The following PIM1 variants were observed in gnomAD, a reference collection of about 807,000 sequenced individuals.
The protein encoded by PIM1 is Pim-1 proto-oncogene, serine/threonine kinase.
Under a neutral mutation model 34.5 loss-of-function variants are expected in PIM1, and 9 were observed. That is an observed-to-expected ratio of 0.26 (90% CI 0.16 to 0.46). The LOEUF (loss-of-function observed/expected upper bound fraction) is 0.46, where lower values mean the gene tolerates loss of function less well. PIM1 is among the 20% of genes least tolerant of loss of function. The pLI is 1.00. For synonymous variants in PIM1, 199 were observed against 175.2 expected, an observed-to-expected ratio of 1.14 and a Z score of -1.07; for missense variants, 274 against 410.9, an observed-to-expected ratio of 0.67 and a Z score of 2.88.
Position 37,171,349 on chromosome 6 carries a change from G to A in PIM1, c.465G>A (p.Val155=). The part of the protein sequence containing the change: ...RSFFWQVLEA[V]RHCHNCGVLH... ...TCTTCTGGCAGGTGCTGGAGGCCGT[G>A]CGGCACTGCCACAACTGCGGGGTGC... Residue 155 remains valine, a synonymous_variant, in exon 4 of 6, where the codon GTG becomes GTA. Coordinates refer to ENST00000373509, the MANE Select transcript of PIM1 (RefSeq NM_002648.4). 1 of 1,613,914 alleles carries A rather than the reference G, an allele frequency of 6.2e-7. No homozygotes were observed. Among genetic ancestry groups the A allele is most frequent in the East Asian group, 2.2e-5 (1 of 44,892 alleles).
rs11550058 is a variant in PIM1 at position 37,170,302 on chromosome 6, G to A, written c.-274G>A. On this transcript the variant is annotated 5_prime_UTR_variant, in exon 1 of 6. Coordinates refer to ENST00000373509, the MANE Select transcript of PIM1 (RefSeq NM_002648.4). ...AACCACTAGCCTCCTGCCCCGCGGC[G>A]CTGCCGCACGAGCCCCACGAGCCGC... The A allele has an allele frequency of 3.5e-6, 5 of 1,430,452 alleles. No homozygotes were observed. Among genetic ancestry groups the A allele is most frequent in the Admixed American group, 2.8e-5 (1 of 36,362 alleles). The allele number at this position is 1,430,452 out of a possible 1,614,324, so 88.6% of individuals were successfully genotyped here.
Position 37,171,008 on chromosome 6 carries a change from C to T in PIM1, c.217C>T (p.Arg73Trp), listed in dbSNP as rs748490577. Residue 73 changes from arginine (R) to tryptophan (W), a missense_variant, in exon 3 of 6, where the codon CGG becomes TGG. Physicochemically the swap from Arg to Trp is moderately radical, Grantham distance 101. Around this residue, in one of 2 missense-constraint regions of PIM1, gnomAD observed 106 missense variants for 111.5 expected, o/e 0.95. Coordinates refer to ENST00000373509, the MANE Select transcript of PIM1 (RefSeq NM_002648.4). Reference protein sequence around the residue: ...PVAIKHVEKDRISDWGELPNG... With the variant: ...PVAIKHVEKDWISDWGELPNG... The stretch of plus-strand genomic sequence containing the variant: ...GGCCATCAAACACGTGGAGAAGGAC[C>T]GGATTTCCGACTGGGGAGAGCTGGT... 1.2e-6 allele frequency: 2 copies of T among 1,614,094 alleles called. No homozygotes were observed. The highest frequency in any genetic ancestry group is 1.7e-5 in the Admixed American group (1 of 60,030).
chr6:37,172,590 C>CT (rs1277144189), intron 4 of PIM1: 1 of 457,724 alleles, frequency 2.2e-6, no homozygotes, highest in South Asian at 1.5e-5. Flanking sequence ...CCATGAGAAT[C>CT]TCACCCGGGC....
At position 37,170,336 on chromosome 6, in the gene PIM1, C is replaced by G; in HGVS notation, c.-240C>G. On this transcript the variant is annotated 5_prime_UTR_variant, in exon 1 of 6. Coordinates refer to ENST00000373509, the MANE Select transcript of PIM1 (RefSeq NM_002648.4). Reference sequence around the variant, plus strand: ...CGAGCCCCACGAGCCGCTCACCCCGCCGTTCTCAGCGCTGCCCGACCCCGC... The same window carrying G: ...CGAGCCCCACGAGCCGCTCACCCCGGCGTTCTCAGCGCTGCCCGACCCCGC... 1.3e-6 allele frequency: 2 copies of G among 1,495,654 alleles called. No individual in the cohort carries two copies. The highest frequency in any genetic ancestry group is 1.8e-6 in the Non-Finnish European group (2 of 1,127,560). The allele number at this position is 1,495,654 out of a possible 1,614,324, so 92.6% of individuals were successfully genotyped here. A position where few individuals can be genotyped will look rare whatever the true frequency, so the allele number is the denominator to read the frequency against.
At position 37,174,845 on chromosome 6, in the gene PIM1, CTG is replaced by C. The variant is rs1762378552; in HGVS notation, c.*756_*757del. ...ACAAACAATGCAATCAACAGAAAAG[CTG>C]TAAATGTGTGTACAGTTGGCATGGT... On this transcript the variant is annotated 3_prime_UTR_variant, in exon 6 of 6. Coordinates refer to ENST00000373509, the MANE Select transcript of PIM1 (RefSeq NM_002648.4). 4.3e-6 allele frequency: 1 copy of C among 233,564 alleles called. No individual in the cohort carries two copies. The highest frequency in any genetic ancestry group is 1.8e-4 in the South Asian group (1 of 5,532). 14.5% of individuals were successfully genotyped at this position (233,564 alleles called of 1,614,324 possible). A position where few individuals can be genotyped will look rare whatever the true frequency, so the allele number is the denominator to read the frequency against.
intron 2 of PIM1, 45 bp from the exon 3 acceptor site, chr6:37,170,936 C>CTT: frequency 6.2e-7 from 1 of 1,613,672 alleles, no homozygotes; most frequent in Non-Finnish European, 8.5e-7. Context: ...CACGGGCGTG[C>CTT]TTTAGCCCGG....
At position 37,171,042 on chromosome 6, in the gene PIM1, T is replaced by C; in HGVS notation, c.240+11T>C. Reference sequence around the variant, plus strand: ...GACTGGGGAGAGCTGGTGAGTGCCCTGCAGGAGCGACCCCCAGGATGAGTG... The same window carrying C: ...GACTGGGGAGAGCTGGTGAGTGCCCCGCAGGAGCGACCCCCAGGATGAGTG... On this transcript the variant is annotated intron_variant, in intron 3 of 5. Coordinates refer to ENST00000373509, the MANE Select transcript of PIM1 (RefSeq NM_002648.4). 1 of 1,613,992 alleles carries C rather than the reference T, an allele frequency of 6.2e-7. No individual in the cohort carries two copies. Among genetic ancestry groups the C allele is most frequent in the Non-Finnish European group, 8.5e-7 (1 of 1,179,972 alleles).
rs367733847 is a variant in PIM1 at position 37,174,133 on chromosome 6, G to A, written c.*42G>A. 1,440 of 1,578,726 alleles carry A rather than the reference G, an allele frequency of 9.1e-4. 15 individuals carry two copies. The highest frequency in any genetic ancestry group is 8.2e-3 in the South Asian group (710 of 86,308). ...TCCTCCCCTCTCTTGTCAGATGCCC[G>A]AGGGAGGGGAAGCTTCTGTCTCCAG... is the stretch of plus-strand genomic sequence containing the variant. On this transcript the variant is annotated 3_prime_UTR_variant, in exon 6 of 6. Transcript: ENST00000373509.
chr6:37,174,684 A>G lies in PIM1; in HGVS notation c.*593A>G. On this transcript the variant is annotated 3_prime_UTR_variant, in exon 6 of 6. Coordinates refer to ENST00000373509, the MANE Select transcript of PIM1 (RefSeq NM_002648.4). ...TCCTTCATATGAAAGGTGCCATGGA[A>G]GAGGCTACAGGGCCAAACGCTGAGC... 1 of 233,774 alleles carries G rather than the reference A, an allele frequency of 4.3e-6. No individual in the cohort carries two copies. The allele number at this position is 233,774 out of a possible 1,614,324, so 14.5% of individuals were successfully genotyped here. A position where few individuals can be genotyped will look rare whatever the true frequency, so the allele number is the denominator to read the frequency against.
rs1311158820 is a variant in PIM1 at position 37,171,301 on chromosome 6, G to A, written c.417G>A (p.Leu139=). 4.3e-6 allele frequency: 7 copies of A among 1,614,166 alleles called. No individual in the cohort carries two copies. The highest frequency in any genetic ancestry group is 1.6e-4 in the Middle Eastern group (1 of 6,062). ...ACTTCATCACGGAAAGGGGAGCCCT[G>A]CAAGAGGAGCTGGCCCGCAGCTTCT... The part of the protein sequence containing the change: ...LFDFITERGA[L]QEELARSFFW... The change falls in exon 4 of 6, where the codon CTG becomes CTA. Residue 139 remains leucine, a synonymous_variant. Coordinates refer to ENST00000373509, the MANE Select transcript of PIM1 (RefSeq NM_002648.4).
chr6:37,173,241 T>C (rs559266808), intron 5 of PIM1, 69 bp downstream of exon 5: 327 of 1,416,950 alleles, frequency 2.3e-4, no homozygotes, highest in Middle Eastern at 1.2e-3. Flanking sequence ...CATGGGACAG[T>C]CTTTGAAATT....
At position 37,174,123 on chromosome 6, in the gene PIM1, T is replaced by A. The variant is rs777277157; in HGVS notation, c.*32T>A. The stretch of plus-strand genomic sequence containing the variant: ...TTCTGGCAGGTCCTCCCCTCTCTTG[T>A]CAGATGCCCGAGGGAGGGGAAGCTT... On this transcript the variant is annotated 3_prime_UTR_variant, in exon 6 of 6. Coordinates refer to ENST00000373509, the MANE Select transcript of PIM1 (RefSeq NM_002648.4). The A allele has an allele frequency of 1.8e-5, 28 of 1,593,064 alleles. No homozygotes were observed. The East Asian group carries it at 2.7e-4, about 15-fold the overall frequency.
intron 4 of PIM1, 98 bp from the exon 5 acceptor site, chr6:37,172,894 ATTTT>A: frequency 1.2e-6 from 1 of 855,060 alleles, no homozygotes; most frequent in Non-Finnish European, 1.8e-6. Context: ...GAGAGAAGGG[ATTTT>A]TTTTTTTTTT....
rs1561982777 is a variant in PIM1, at chr6:37,170,767, TC to T, written c.83-4del. Reference sequence around the variant, plus strand: ...CACTGAGTCCCCGTGCTTCCCCCTTTCCTAGGCAAGGAGAAGGAGCCCCTGG... The same window carrying T: ...CACTGAGTCCCCGTGCTTCCCCCTTTCTAGGCAAGGAGAAGGAGCCCCTGG... On this transcript the variant is annotated splice_region_variant and splice_polypyrimidine_tract_variant and intron_variant, in intron 1 of 5. Transcript: ENST00000373509. 1 of 1,611,870 alleles carries T rather than the reference TC, an allele frequency of 6.2e-7. No homozygotes were observed. Among genetic ancestry groups the T allele is most frequent in the African/African-American group, 1.3e-5 (1 of 74,968 alleles).
chr6:37,175,417 C>T lies in PIM1; in HGVS notation c.*1326C>T, dbSNP rs1408480607. 8.8e-6 allele frequency: 2 copies of T among 226,644 alleles called. No individual in the cohort carries two copies. Among genetic ancestry groups the T allele is most frequent in the Non-Finnish European group, 1.8e-5 (2 of 114,144 alleles). The allele number at this position is 226,644 out of a possible 1,614,324, so 14.0% of individuals were successfully genotyped here. A position where few individuals can be genotyped will look rare whatever the true frequency, so the allele number is the denominator to read the frequency against. On this transcript the variant is annotated 3_prime_UTR_variant, in exon 6 of 6. Transcript: ENST00000373509. ...TACTTGGCGTTTTTTGAATAAAAAC[C>T]TTTTGTCTTAACTCGTGGCTTCTAA...
rs1762374897 is a variant in PIM1, at chr6:37,174,697, C to A, written c.*606C>A. The A allele has an allele frequency of 4.3e-6, 1 of 233,618 alleles. No homozygotes were observed. Among genetic ancestry groups the A allele is most frequent in the African/African-American group, 2.2e-5 (1 of 45,324 alleles). The allele number at this position is 233,618 out of a possible 1,614,324, so 14.5% of individuals were successfully genotyped here. On this transcript the variant is annotated 3_prime_UTR_variant, in exon 6 of 6. Coordinates refer to ENST00000373509, the MANE Select transcript of PIM1 (RefSeq NM_002648.4). ...AGGTGCCATGGAAGAGGCTACAGGG[C>A]CAAACGCTGAGCCACCTGCCCTTTT... is the stretch of plus-strand genomic sequence containing the variant.
Position 37,171,058 on chromosome 6 carries a change from A to G in PIM1, c.240+27A>G, listed in dbSNP as rs766495980. The G allele has an allele frequency of 3.1e-6, 5 of 1,613,880 alleles. 1 individual carries two copies. Among genetic ancestry groups the G allele is most frequent in the Admixed American group, 3.3e-5 (2 of 60,016 alleles). On this transcript the variant is annotated intron_variant, in intron 3 of 5. Transcript: ENST00000373509. ...TGAGTGCCCTGCAGGAGCGACCCCCAGGATGAGTGGGTGGGGTGAGGGGCG... is the reference window on the plus strand; with the variant it reads ...TGAGTGCCCTGCAGGAGCGACCCCCGGGATGAGTGGGTGGGGTGAGGGGCG...
chr6:37,170,211 C>T lies in PIM1; in HGVS notation c.-365C>T. ...CAGCGGCCGCGGTGGCTGAGGAGGC[C>T]CGAGAGGAGTCGGTGGCAGCGGCGG... On this transcript the variant is annotated 5_prime_UTR_variant, in exon 1 of 6. Coordinates refer to ENST00000373509, the MANE Select transcript of PIM1 (RefSeq NM_002648.4). 8.0e-7 allele frequency: 1 copy of T among 1,252,134 alleles called. No individual in the cohort carries two copies. The highest frequency in any genetic ancestry group is 1.0e-6 in the Non-Finnish European group (1 of 990,590). 77.6% of individuals were successfully genotyped at this position (1,252,134 alleles called of 1,614,324 possible).
chr6:37,173,827 C>T (rs1377578234), intron 5 of PIM1, 107 bp from the exon 6 acceptor site: 4 of 1,024,570 alleles, frequency 3.9e-6, no homozygotes, highest in Non-Finnish European at 5.8e-6. Flanking sequence ...TGCTTGGCCT[C>T]CCTGGGACCC....
Sources: gnomAD v4.1 joint callset for allele counts on GRCh38, gnomAD v4.1.1 for gene constraint, gnomAD v4.1.1 regional missense constraint, MANE v1.5 for transcripts, NCBI Gene and HGNC (gene_info 2026-07-23, HGNC 2026-07-21) for gene names.